PPARGC1A: variants seen among roughly 807,000 people sequenced by gnomAD.
PPARGC1A encodes the protein peroxisome proliferator-activated receptor gamma coactivator 1-alpha.
Under a neutral mutation model 88.7 loss-of-function variants are expected in PPARGC1A, and 25 were observed. The observed-to-expected ratio is 0.28, with a 90% confidence interval of 0.21 to 0.39. The LOEUF (loss-of-function observed/expected upper bound fraction) is 0.39. Among genes scored for constraint, PPARGC1A ranks in the 10% least tolerant of loss-of-function variants. PPARGC1A has a pLI of 1.00. For missense variants in PPARGC1A, 880 were observed against 968.7 expected, an observed-to-expected ratio of 0.91 and a Z score of 1.22; for synonymous variants, 363 against 355.6, an observed-to-expected ratio of 1.02 and a Z score of -0.24.
At chr4:24,084,448 C>T in the PPARGC1A span, among the ~76,000 whole-genome samples, 1 of 152,188 alleles carries the variant, frequency 6.6e-6, no homozygotes, top group Non-Finnish European at 1.5e-5. Flanking sequence ...AGCTGTTTTT[C>T]TCCACCTCCG....
At chr4:24,470,806 G>A in the PPARGC1A span, among the ~76,000 whole-genome samples, 1 of 151,684 alleles carries the variant, frequency 6.6e-6, no homozygotes, top group Non-Finnish European at 1.5e-5. The surrounding 1 kb of genome is among the most constrained non-coding windows in gnomAD (Gnocchi z 5.8). Flanking sequence ...CAAGGCTCCG[G>A]GCGGCCCTTA....
chr4:24,027,196 A>AGTGTGTGTGTGTGT, the PPARGC1A span, among the ~76,000 whole-genome samples: 5,313 of 132,588 alleles, frequency 0.04, 145 homozygotes, highest in Non-Finnish European at 0.052. Flanking sequence ...ACCTCAGGCT[A>AGTGTGTGTGTGTGT]GTGTGTGTGT....
At chr4:24,221,143 G>C in the PPARGC1A span, among the ~76,000 whole-genome samples, 1 of 152,132 alleles carries the variant, frequency 6.6e-6, no homozygotes, top group Non-Finnish European at 1.5e-5. Context: ...ATGAGACGGG[G>C]AGTCACAGAT....
At chr4:24,014,217 C>T in the PPARGC1A span, among the ~76,000 whole-genome samples, 1 of 152,116 alleles carries the variant, frequency 6.6e-6, no homozygotes, top group Non-Finnish European at 1.5e-5. Context: ...GTTGCAAAAG[C>T]CCCAGCTGAA....
intron 10 of PPARGC1A, 55 bp downstream of exon 10, chr4:23,812,692 C>T: frequency 1.2e-6 from 2 of 1,601,572 alleles, no homozygotes; most frequent in Admixed American, 1.8e-5. Flanking sequence ...AAAAAAAGCA[C>T]ACAGAAAAAG....
the PPARGC1A span, among the ~76,000 whole-genome samples, chr4:23,969,619 G>A: frequency 6.6e-6 from 1 of 152,318 alleles, no homozygotes; most frequent in Non-Finnish European, 1.5e-5. Flanking sequence ...ACTGGAAGGC[G>A]TGGATTGTTT....
the PPARGC1A span, among the ~76,000 whole-genome samples, chr4:23,969,243 A>G: frequency 3.3e-5 from 5 of 152,212 alleles, no homozygotes; most frequent in Admixed American, 3.3e-4. Flanking sequence ...GGGAATGGCT[A>G]AAATTTATTG....
the PPARGC1A span, among the ~76,000 whole-genome samples, chr4:24,082,563 G>A: frequency 2.0e-5 from 3 of 152,194 alleles, no homozygotes; most frequent in African/African-American, 7.2e-5. Context: ...CCATAAGTGA[G>A]AGAATCGCTG....
the PPARGC1A span, among the ~76,000 whole-genome samples, chr4:23,985,860 G>T: frequency 6.6e-6 from 1 of 151,988 alleles, no homozygotes; most frequent in Non-Finnish European, 1.5e-5. Flanking sequence ...GTTTTTTAAT[G>T]AGAAAATTAT....
At chr4:24,225,213 T>C in the PPARGC1A span, among the ~76,000 whole-genome samples, 2 of 152,270 alleles carry the variant, frequency 1.3e-5, no homozygotes, top group Admixed American at 1.3e-4. Context: ...TGAGGTCAGT[T>C]TGAAGCCTGT....
At chr4:24,077,769 C>T in the PPARGC1A span, among the ~76,000 whole-genome samples, 2 of 151,570 alleles carry the variant, frequency 1.3e-5, no homozygotes, top group Non-Finnish European at 2.9e-5. Context: ...AATTCTTTAA[C>T]AGTTCTCTTC....
chr4:23,932,349 G>C, the PPARGC1A span, among the ~76,000 whole-genome samples: 1 of 151,956 alleles, frequency 6.6e-6, no homozygotes, highest in Non-Finnish European at 1.5e-5. Context: ...TGCCTCCAGG[G>C]AGCTAATGCT....
chr4:24,462,604 T>C, the PPARGC1A span, among the ~76,000 whole-genome samples: 7 of 151,918 alleles, frequency 4.6e-5, no homozygotes, highest in African/African-American at 1.7e-4. Flanking sequence ...ATACTAATAA[T>C]AGTACCCACC....
chr4:23,886,825 A>G (rs1204300778), intron 1 of PPARGC1A, among the ~76,000 whole-genome samples: 2 of 150,764 alleles, frequency 1.3e-5, no homozygotes, highest in African/African-American at 4.9e-5. Context: ...ACGGTGCAAG[A>G]TACACTAGGA....
chr4:24,434,821 C>G, the PPARGC1A span, among the ~76,000 whole-genome samples: 1 of 152,168 alleles, frequency 6.6e-6, no homozygotes, highest in East Asian at 1.9e-4. Context: ...CCATGGAAAC[C>G]TTTCAGATTC....
the PPARGC1A span, among the ~76,000 whole-genome samples, chr4:24,457,542 TG>T: frequency 6.8e-6 from 1 of 147,024 alleles, no homozygotes; most frequent in African/African-American, 2.5e-5. Context: ...TTTGTTTGTT[TG>T]TTTGTTTGTT....
At chr4:24,459,189 T>C in the PPARGC1A span, among the ~76,000 whole-genome samples, 1 of 152,146 alleles carries the variant, frequency 6.6e-6, no homozygotes, top group Non-Finnish European at 1.5e-5. Context: ...ATATTCCCTA[T>C]ATGTGAAAAT....
At chr4:24,171,997 G>T in the PPARGC1A span, among the ~76,000 whole-genome samples, 1 of 152,176 alleles carries the variant, frequency 6.6e-6, no homozygotes, top group African/African-American at 2.4e-5. Flanking sequence ...TAATGTAAGT[G>T]TTCAGGATCT....
At chr4:24,256,846 C>A in the PPARGC1A span, among the ~76,000 whole-genome samples, 1 of 152,090 alleles carries the variant, frequency 6.6e-6, no homozygotes, top group Non-Finnish European at 1.5e-5. Flanking sequence ...CTCTGAGATG[C>A]AGAATGGGGC....
Sources: gnomAD v4.1 joint callset for allele counts (sites outside exome capture counted in the v4.1 genomes callset) on GRCh38, gnomAD v4.1.1 for gene constraint, Gnocchi (gnomAD v3.1) non-coding constraint, MANE v1.5 for transcripts, NCBI Gene and HGNC (gene_info 2026-07-23, HGNC 2026-07-21) for gene names.